Variants in APOOL observed in about 807,000 individuals in gnomAD.
APOOL encodes the protein MICOS complex subunit MIC27.
In APOOL, 12 loss-of-function variants were observed where a neutral mutation model predicts 23.1. That is an observed-to-expected ratio of 0.52 (90% CI 0.33 to 0.84). The LOEUF (loss-of-function observed/expected upper bound fraction) is 0.84. Among genes scored for constraint, APOOL ranks in the 40% least tolerant of loss-of-function variants. The pLI, the probability that APOOL is intolerant of heterozygous loss-of-function variation, is 0.02. For synonymous variants in APOOL, 77 were observed against 69.9 expected, an observed-to-expected ratio of 1.10 and a Z score of -0.51; for missense variants, 212 against 199.6, an observed-to-expected ratio of 1.06 and a Z score of -0.37.
intron 1 of APOOL, among the ~76,000 whole-genome samples, chrX:85,005,404 C>A (rs1414874736): frequency 6.0e-5 from 2 of 33,424 alleles, no homozygotes; most frequent in Non-Finnish European, 1.5e-4. Flanking sequence ...ACCCCCCCCC[C>A]CCCCCGGGCC....
intron 1 of APOOL, among the ~76,000 whole-genome samples, chrX:85,036,519 A>T (rs1394346236): frequency 9.0e-6 from 1 of 110,943 alleles, no homozygotes; most frequent in Non-Finnish European, 1.9e-5. Flanking sequence ...TAGGCATGAA[A>T]AGAGTGCACA....
At chrX:85,032,677 A>C (rs1029311071) in intron 1 of APOOL, among the ~76,000 whole-genome samples, 6 of 111,891 alleles carry the variant, frequency 5.4e-5, no homozygotes, top group African/African-American at 1.9e-4. Flanking sequence ...TTATTGAATG[A>C]TTAATATGTT....
chrX:85,029,202 G>A (rs1427472403), intron 1 of APOOL, among the ~76,000 whole-genome samples: 1 of 111,118 alleles, frequency 9.0e-6, no homozygotes, highest in Non-Finnish European at 1.9e-5. Context: ...ATTTATTACT[G>A]CCTGTCTTTT....
rs1267738576 is a variant in APOOL at position 85,059,687 on chromosome X, T to G, written c.394+3762T>G. ...TGCATAAATGTCTTCTTTTGAGAAG[T>G]GTCTGTTCATATCCTTTGCCCACTT... On this transcript the variant is annotated intron_variant, in intron 5 of 8. Coordinates refer to ENST00000373173, the MANE Select transcript of APOOL (RefSeq NM_198450.6). Among the ~76,000 whole-genome samples the G allele has an allele frequency of 2.7e-5, 3 of 110,498 alleles. No homozygotes were observed. The Admixed American group carries it at 2.9e-4, about 11-fold the overall frequency.
intron 1 of APOOL, among the ~76,000 whole-genome samples, chrX:85,005,306 G>A (rs1171762514): frequency 9.5e-6 from 1 of 105,193 alleles, no homozygotes; most frequent in Admixed American, 1.1e-4. Context: ...AACCATGCCC[G>A]GCTAAATTTT....
At chrX:85,025,451 AG>A (rs1921807688) in intron 1 of APOOL, among the ~76,000 whole-genome samples, 2 of 112,050 alleles carry the variant, frequency 1.8e-5, no homozygotes, top group African/African-American at 6.5e-5. Context: ...AGTCCCCAAA[AG>A]TCTTAACTCC....
chrX:85,045,665 G>A (rs1205910128), intron 1 of APOOL, among the ~76,000 whole-genome samples: 2 of 111,434 alleles, frequency 1.8e-5, no homozygotes, highest in Non-Finnish European at 3.8e-5. Context: ...AATTATTTTG[G>A]TACCTGAATA....
chrX:85,004,858 G>A (rs761951822), intron 1 of APOOL, among the ~76,000 whole-genome samples: 90 of 111,089 alleles, frequency 8.1e-4, no homozygotes, highest in African/African-American at 2.8e-3. Flanking sequence ...CTGGGGTCAG[G>A]CCATACTCTT....
At chrX:85,038,562 G>A (rs1370317361) in intron 1 of APOOL, among the ~76,000 whole-genome samples, 9 of 61,164 alleles carry the variant, frequency 1.5e-4, no homozygotes, top group Non-Finnish European at 2.6e-4. Flanking sequence ...TGGTTGGTAG[G>A]CTTTTTATTA....
chrX:85,080,078 GTCTC>G (rs1048394283), intron 8 of APOOL, among the ~76,000 whole-genome samples: 1 of 111,394 alleles, frequency 9.0e-6, no homozygotes, highest in South Asian at 3.8e-4. Context: ...GGTTTTTTGT[GTCTC>G]TATCTTTTTC....
chrX:85,064,115 T>C (rs1250170760), intron 5 of APOOL, among the ~76,000 whole-genome samples: 1 of 110,978 alleles, frequency 9.0e-6, no homozygotes, highest in Non-Finnish European at 1.9e-5. Flanking sequence ...AGGGTGTATG[T>C]GTCCAGAAAT....
In APOOL at chrX:85,090,935, A is replaced by G. The variant is rs985667780; in HGVS notation, c.*3257A>G. Reference sequence around the variant, plus strand: ...TGAGTGACTGTGCTCAGCCTTTTTTAAAAAAATGAAGGTATTTGGTATGGC... The same window carrying G: ...TGAGTGACTGTGCTCAGCCTTTTTTGAAAAAATGAAGGTATTTGGTATGGC... On this transcript the variant is annotated 3_prime_UTR_variant, in exon 9 of 9. Coordinates refer to ENST00000373173, the MANE Select transcript of APOOL (RefSeq NM_198450.6). 1 of 112,027 alleles carries G rather than the reference A, an allele frequency of 8.9e-6. No homozygotes were observed. Among genetic ancestry groups the G allele is most frequent in the African/African-American group, 3.2e-5 (1 of 30,772 alleles). 9.2% of individuals were successfully genotyped at this position (112,027 alleles called of 1,213,427 possible).
intron 1 of APOOL, among the ~76,000 whole-genome samples, chrX:85,007,535 A>G (rs2147469266): frequency 8.9e-6 from 1 of 111,770 alleles, no homozygotes; most frequent in East Asian, 2.8e-4. Context: ...CTTGAAGGTG[A>G]AACGATTTCT....
At chrX:85,076,287 G>A (rs1923832977) in intron 8 of APOOL, among the ~76,000 whole-genome samples, 1 of 110,468 alleles carries the variant, frequency 9.1e-6, no homozygotes, top group African/African-American at 3.3e-5. Context: ...ATAACCTTGG[G>A]ATTCACCATT....
At chrX:85,065,400 G>A (rs1042569282) in intron 5 of APOOL, among the ~76,000 whole-genome samples, 9 of 111,610 alleles carry the variant, frequency 8.1e-5, no homozygotes, top group East Asian at 2.8e-4. Context: ...ATTGTTATGT[G>A]TGAATTTGAT....
intron 6 of APOOL, among the ~76,000 whole-genome samples, chrX:85,073,508 G>A (rs1234570541): frequency 9.0e-6 from 1 of 110,818 alleles, no homozygotes; most frequent in Non-Finnish European, 1.9e-5. Flanking sequence ...ATTAGTTGAT[G>A]CCTTTTATTT....
intron 1 of APOOL, among the ~76,000 whole-genome samples, chrX:85,029,742 T>C (rs1179036876): frequency 1.8e-5 from 2 of 111,409 alleles, no homozygotes; most frequent in East Asian, 5.6e-4. Flanking sequence ...AGATGTACAG[T>C]CATCAAACAT....
At chrX:85,007,510 T>G (rs1486087029) in intron 1 of APOOL, among the ~76,000 whole-genome samples, 3 of 111,399 alleles carry the variant, frequency 2.7e-5, no homozygotes, top group Non-Finnish European at 5.7e-5. Flanking sequence ...GAGGGAAATT[T>G]CAAGCATTTA....
intron 1 of APOOL, among the ~76,000 whole-genome samples, chrX:85,015,662 G>A (rs998900718): frequency 5.3e-4 from 58 of 108,491 alleles, no homozygotes; most frequent in Middle Eastern, 4.7e-3. Flanking sequence ...TCCGCCTCCC[G>A]GGTGTAAGTG....
Sources: allele counts gnomAD v4.1 joint callset (sites outside exome capture counted in the v4.1 genomes callset), GRCh38; gene constraint gnomAD v4.1.1; transcripts MANE v1.5; gene names NCBI Gene and HGNC (gene_info 2026-07-23, HGNC 2026-07-21).